Variants in CEP85L observed in about 807,000 individuals in gnomAD.
The protein encoded by CEP85L is centrosomal protein 85L.
In CEP85L, 60 loss-of-function variants were observed where a neutral mutation model predicts 100.3. The observed-to-expected ratio is 0.60, with a 90% CI of 0.49 to 0.74. The LOEUF (loss-of-function observed/expected upper bound fraction) is 0.74, where lower values mean the gene tolerates loss of function less well. Among genes scored for constraint, CEP85L ranks in the 30% least tolerant of loss-of-function variants. CEP85L has a pLI of 0.00. For missense variants in CEP85L, 973 were observed against 936.2 expected (o/e 1.04, Z -0.51); for synonymous variants, 319 against 322.7 (o/e 0.99, Z 0.12).
At chr6:118,575,220 C>T (rs1405359953) in intron 2 of CEP85L, among the ~76,000 whole-genome samples, 4 of 152,150 alleles carry the variant, frequency 2.6e-5, no homozygotes, top group African/African-American at 4.8e-5. Flanking sequence ...CAATATAATT[C>T]CCTCTGATAG....
At chr6:118,596,637 G>C (rs887112363) in intron 2 of CEP85L, among the ~76,000 whole-genome samples, 2 of 151,796 alleles carry the variant, frequency 1.3e-5, no homozygotes, top group Admixed American at 1.3e-4. Context: ...CTTATATTCA[G>C]GTAATATCTT....
intron 2 of CEP85L, among the ~76,000 whole-genome samples, chr6:118,569,267 G>C (rs116464206): frequency 0.028 from 3,999 of 144,706 alleles, 182 homozygotes; most frequent in African/African-American, 0.094. Flanking sequence ...GCTTGAACCT[G>C]TGAGGCGGAG....
At chr6:118,693,742 G>A (rs1777118057) in intron 1 of CEP85L, among the ~76,000 whole-genome samples, 1 of 152,162 alleles carries the variant, frequency 6.6e-6, no homozygotes, top group Admixed American at 6.5e-5. Flanking sequence ...AGATATCACA[G>A]CTGGCCCAAT....
intron 5 of CEP85L, among the ~76,000 whole-genome samples, chr6:118,499,660 T>C (rs890708988): frequency 5.3e-5 from 8 of 151,572 alleles, no homozygotes; most frequent in African/African-American, 1.9e-4. Flanking sequence ...TGAGACTCTG[T>C]CTCAAAAAAA....
chr6:118,580,244 C>T (rs899513394), intron 2 of CEP85L, among the ~76,000 whole-genome samples: 4 of 152,166 alleles, frequency 2.6e-5, no homozygotes, highest in African/African-American at 7.2e-5. Context: ...TCCTTAAAAC[C>T]ACTCCACGTA....
At chr6:118,608,068 GCT>G (rs1772351900) in intron 2 of CEP85L, among the ~76,000 whole-genome samples, 1 of 152,118 alleles carries the variant, frequency 6.6e-6, no homozygotes, top group Admixed American at 6.5e-5. Context: ...GCCTACAGGA[GCT>G]CTTTAGGCAC....
At chr6:118,480,779 G>T (rs2114522363) in intron 8 of CEP85L, among the ~76,000 whole-genome samples, 1 of 152,086 alleles carries the variant, frequency 6.6e-6, no homozygotes, top group Middle Eastern at 3.4e-3. Context: ...ACATCCTTAG[G>T]CTCCGATGAA....
chr6:118,622,169 G>T (rs1773489383), intron 2 of CEP85L, among the ~76,000 whole-genome samples: 1 of 152,198 alleles, frequency 6.6e-6, no homozygotes, highest in Non-Finnish European at 1.5e-5. Context: ...CTTAGTATCA[G>T]AGACTATCAA....
chr6:118,703,385 A>G (rs1777490565), intron 1 of CEP85L, among the ~76,000 whole-genome samples: 1 of 152,200 alleles, frequency 6.6e-6, no homozygotes, highest in Non-Finnish European at 1.5e-5. Flanking sequence ...TTATTCAACC[A>G]TACTTAATTA....
At chr6:118,626,141 A>AGG (rs1773778180) in intron 2 of CEP85L, among the ~76,000 whole-genome samples, 2 of 152,158 alleles carry the variant, frequency 1.3e-5, no homozygotes, top group African/African-American at 4.8e-5. Context: ...TGGGTTGAGT[A>AGG]GGGGCTTGGA....
At chr6:118,510,476 C>T (rs1775903556) in intron 5 of CEP85L, among the ~76,000 whole-genome samples, 1 of 151,940 alleles carries the variant, frequency 6.6e-6, no homozygotes, top group Admixed American at 6.6e-5. Flanking sequence ...TATAACATCA[C>T]TCTTAAGAGA....
intron 1 of CEP85L, among the ~76,000 whole-genome samples, chr6:118,639,037 T>C (rs1774696333): frequency 1.3e-5 from 2 of 152,176 alleles, no homozygotes; most frequent in Non-Finnish European, 1.5e-5. Context: ...ATAAGCTGAA[T>C]ACATAATACA....
At chr6:118,502,772 C>T (rs183117406) in intron 5 of CEP85L, 58 of 592,508 alleles carry the variant, frequency 9.8e-5, no homozygotes, top group Non-Finnish European at 1.6e-4. Context: ...TCTTAAAGAA[C>T]TTGTACAACA....
intron 2 of CEP85L, among the ~76,000 whole-genome samples, chr6:118,613,495 GCCTGTAATC>G (rs1448313936): frequency 2.6e-5 from 4 of 151,874 alleles, no homozygotes; most frequent in African/African-American, 9.7e-5. Flanking sequence ...AGTGGCTCAC[GCCTGTAATC>G]CTAGTACTTT....
Position 118,565,319 on chromosome 6 carries a change from A to G in CEP85L, c.1020+210T>C, listed in dbSNP as rs931823437. ...GAAAAGGAAAGAACAAGCTAGGTAC[A>G]AGGTTTTCAGATTTTCATGTTAATT... On this transcript the variant is annotated intron_variant, in intron 3 of 12. Transcript: ENST00000368491. The G allele has an allele frequency of 1.0e-5, 6 of 580,832 alleles. No individual in the cohort carries two copies. The African/African-American group carries it at 1.1e-4, about 11-fold the overall frequency. 36.0% of individuals were successfully genotyped at this position (580,832 alleles called of 1,614,324 possible).
intron 3 of CEP85L, among the ~76,000 whole-genome samples, chr6:118,535,659 A>G (rs12216440): frequency 0.044 from 6,748 of 152,154 alleles, 230 homozygotes; most frequent in South Asian, 0.11. Context: ...GCTCATCCAC[A>G]CTGTATATGC....
intron 6 of CEP85L, 37 bp downstream of exon 6, chr6:118,491,649 G>C: frequency 6.6e-7 from 1 of 1,521,900 alleles, no homozygotes; most frequent in Non-Finnish European, 8.9e-7. Flanking sequence ...CTGAGGAAAT[G>C]TTGTTGACCT....
chr6:118,496,262 T>C (rs1774910486), intron 5 of CEP85L, among the ~76,000 whole-genome samples: 1 of 152,184 alleles, frequency 6.6e-6, no homozygotes, highest in Admixed American at 6.5e-5. Flanking sequence ...TTAACCCACA[T>C]CTGATGGTGC....
At chr6:118,492,816 G>A (rs1448416390) in intron 5 of CEP85L, among the ~76,000 whole-genome samples, 1 of 152,122 alleles carries the variant, frequency 6.6e-6, no homozygotes, top group East Asian at 1.9e-4. Flanking sequence ...TAAGTGCTAA[G>A]ATAGTTACAT....
Sources: gnomAD v4.1 joint callset for allele counts (sites outside exome capture counted in the v4.1 genomes callset) on GRCh38, gnomAD v4.1.1 for gene constraint, MANE v1.5 for transcripts, NCBI Gene and HGNC (gene_info 2026-07-23, HGNC 2026-07-21) for gene names.